The following CFAP92 variants were observed in gnomAD, a reference collection of about 807,000 sequenced individuals.
The protein encoded by CFAP92 is cilia and flagella associated protein 92 (putative).
Under a neutral mutation model 106.3 loss-of-function variants are expected in CFAP92, and 86 were observed. The ratio of observed to expected loss-of-function variants is 0.81; its 90% CI spans 0.68 to 0.97. CFAP92 has a LOEUF of 0.97. CFAP92 is among the 50% of genes least tolerant of loss of function. The pLI, the probability that CFAP92 is intolerant of heterozygous loss-of-function variation, is 0.00. For missense variants in CFAP92, 1,204 were observed against 1,283.8 expected (o/e 0.94, Z 0.95); for synonymous variants, 477 against 506.4 (o/e 0.94, Z 0.78).
chr3:128,990,888 C>T (rs1334460847), intron 2 of CFAP92, among the ~76,000 whole-genome samples: 1 of 151,990 alleles, frequency 6.6e-6, no homozygotes, highest in Non-Finnish European at 1.5e-5. Context: ...CAGAGCAAGA[C>T]TCCGTCTCAA....
At chr3:128,985,427 T>C (rs1249081236) in intron 4 of CFAP92, among the ~76,000 whole-genome samples, 1 of 152,208 alleles carries the variant, frequency 6.6e-6, no homozygotes, top group Admixed American at 6.5e-5. Context: ...ATCACATCAC[T>C]GTACTCCAAC....
intron 4 of CFAP92, among the ~76,000 whole-genome samples, chr3:128,980,989 G>A (rs1576614504): frequency 6.6e-6 from 1 of 150,796 alleles, no homozygotes; most frequent in Admixed American, 6.6e-5. Flanking sequence ...AATCACAGAT[G>A]TTTTAAAGAC....
At chr3:128,977,689 T>C (rs4927924) in intron 5 of CFAP92, among the ~76,000 whole-genome samples, 5,550 of 152,178 alleles carry the variant, frequency 0.036, 275 homozygotes, top group African/African-American at 0.11. Context: ...TGAAACCCCG[T>C]CTCTACTAAA....
intron 12 of CFAP92, among the ~76,000 whole-genome samples, chr3:128,930,773 C>T (rs1019305682): frequency 6.6e-6 from 1 of 152,038 alleles, no homozygotes; most frequent in Non-Finnish European, 1.5e-5. Context: ...ATTTAAAACA[C>T]TTCCTTGTTA....
Position 129,002,284 on chromosome 3 carries a change from C to T in CFAP92, n.117+290G>A, listed in dbSNP as rs1294522367. On this transcript the variant is annotated intron_variant and non_coding_transcript_variant, in intron 1 of 4. Transcript: ENST00000510149. ...CGCGAGTTGGTGGAGGACCTGCGCG[C>T]CGCGCTGCAGAGCAGTGATGCGCGC... 15 of 1,528,952 alleles carry T rather than the reference C, an allele frequency of 9.8e-6. No individual in the cohort carries two copies. The highest frequency in any genetic ancestry group is 4.1e-4 in the Middle Eastern group (2 of 4,860). 94.7% of individuals were successfully genotyped at this position (1,528,952 alleles called of 1,614,324 possible).
intron 9 of CFAP92, among the ~76,000 whole-genome samples, chr3:128,963,744 C>T (rs902889867): frequency 4.0e-4 from 60 of 150,106 alleles, no homozygotes; most frequent in Middle Eastern, 3.4e-3. Context: ...GCCACTAGCC[C>T]GCCTCTCAGA....
chr3:128,973,876 C>A (rs1177622693), intron 7 of CFAP92, among the ~76,000 whole-genome samples: 2 of 152,124 alleles, frequency 1.3e-5, no homozygotes, highest in Non-Finnish European at 2.9e-5. Flanking sequence ...GCAGGACGGT[C>A]CACCCATAAC....
At chr3:128,993,830 G>T in intron 1 of CFAP92, 150 bp downstream of exon 1, 1 of 518,394 alleles carries the variant, frequency 1.9e-6, no homozygotes, top group Non-Finnish European at 2.6e-6. Context: ...TGGGTGCTGG[G>T]CTCGGGGCAT....
Position 128,915,194 on chromosome 3 carries a change from C to T in CFAP92, c.3205G>A (p.Val1069Met), listed in dbSNP as rs113633667. ...RDRWSWDRHH[V>M]DFDLYKKPPP... ...GGTTTCTTGTACAGATCAAAGTCCA[C>T]GTGGTGCCTGTCCCAGCTCCACCTG... The change falls in exon 15 of 16, where the codon GTG becomes ATG. Residue 1069 changes from valine (V) to methionine (M), a missense_variant. Transcript: ENST00000645291. The T allele has an allele frequency of 0.016, 24,102 of 1,536,120 alleles. 261 individuals are homozygous for T. The highest frequency in any genetic ancestry group is 0.018 in the Non-Finnish European group (20,324 of 1,146,910).
At chr3:128,979,922 T>G (rs1478238506) in intron 4 of CFAP92, among the ~76,000 whole-genome samples, 1 of 140,818 alleles carries the variant, frequency 7.1e-6, no homozygotes, top group African/African-American at 2.7e-5. Flanking sequence ...GTTGTGCACA[T>G]GTACCCTAAA....
chr3:128,986,378 TAC>T (rs1943858771), intron 4 of CFAP92, among the ~76,000 whole-genome samples: 1 of 152,036 alleles, frequency 6.6e-6, no homozygotes, highest in African/African-American at 2.4e-5. Flanking sequence ...AAGCTAGAAT[TAC>T]AGGAGCACGT....
the CFAP92 span, among the ~76,000 whole-genome samples, chr3:129,012,071 A>G: frequency 6.6e-6 from 1 of 152,228 alleles, no homozygotes; most frequent in Non-Finnish European, 1.5e-5. Context: ...CACAAAGGAC[A>G]TGGGGTGGCC....
chr3:129,003,846 C>A, upstream of CFAP92: 1 of 1,454,706 alleles, frequency 6.9e-7, no homozygotes, highest in Non-Finnish European at 9.0e-7. Context: ...CACGGCGGGC[C>A]GGAGGCTGCG....
chr3:128,965,686 G>T lies in CFAP92; in HGVS notation c.1178C>A (p.Thr393Asn), dbSNP rs1942311570. ...CTTCTCACTGCCACGACTCACGACA[G>T]TTTGCCATCCTGGGGGAAATACACC... ...AVMPLLAGWQ[T>N]VVSRGSEKSA... The change falls in exon 9 of 16, where the codon ACT becomes AAT. Residue 393 changes from threonine (T) to asparagine (N), a missense_variant. Transcript: ENST00000645291. 5.0e-6 allele frequency: 2 copies of T among 398,818 alleles called. No individual in the cohort carries two copies. Among genetic ancestry groups the T allele is most frequent in the Admixed American group, 8.8e-5 (2 of 22,714 alleles). The allele number at this position is 398,818 out of a possible 1,614,324, so 24.7% of individuals were successfully genotyped here.
chr3:128,939,728 G>A (rs1419501288), intron 10 of CFAP92, among the ~76,000 whole-genome samples: 2 of 152,098 alleles, frequency 1.3e-5, no homozygotes, highest in East Asian at 1.9e-4. Context: ...ATTTTTCCAC[G>A]GACGGGGTTG....
intron 1 of CFAP92, chr3:129,002,532 A>G (rs1255021069): frequency 2.9e-6 from 3 of 1,025,328 alleles, no homozygotes; most frequent in Admixed American, 4.0e-5. Context: ...CTTACCACCT[A>G]TTCCATTCCT....
At chr3:128,962,560 C>T (rs930589979) in intron 9 of CFAP92, among the ~76,000 whole-genome samples, 24 of 152,042 alleles carry the variant, frequency 1.6e-4, no homozygotes, top group Non-Finnish European at 2.5e-4. Flanking sequence ...GCCTCCTTTG[C>T]GTCCTCCTCT....
chr3:128,940,988 C>A (rs1465964385), intron 10 of CFAP92, among the ~76,000 whole-genome samples: 2 of 152,112 alleles, frequency 1.3e-5, no homozygotes, highest in Admixed American at 6.6e-5. Context: ...TGCACTGAAT[C>A]TATAGTTCAA....
At chr3:128,916,309 C>T in intron 12 of CFAP92, 38 bp from the exon 13 acceptor site, 1 of 1,216,318 alleles carries the variant, frequency 8.2e-7, no homozygotes, top group Non-Finnish European at 1.0e-6. Context: ...CACACCAGGT[C>T]ATCCTCACCC....
Sources: allele counts gnomAD v4.1 joint callset (sites outside exome capture counted in the v4.1 genomes callset), GRCh38; gene constraint gnomAD v4.1.1; transcripts MANE v1.5; gene names NCBI Gene and HGNC (gene_info 2026-07-23, HGNC 2026-07-21).